TTBK2: variants seen among roughly 807,000 people sequenced by gnomAD.
TTBK2 encodes the protein tau tubulin kinase 2.
In TTBK2, 28 loss-of-function variants were observed where a neutral mutation model predicts 110.8. The observed-to-expected ratio is 0.25, with a 90% CI of 0.19 to 0.35. The LOEUF is 0.35. TTBK2 is among the 10% of genes least tolerant of loss of function. The probability of loss-of-function intolerance (pLI) is 1.00; values close to 1 mark genes in which losing one functional copy is unlikely to be tolerated. For synonymous variants in TTBK2, 532 were observed against 527.3 expected, an observed-to-expected ratio of 1.01 and a Z score of -0.12; for missense variants, 1,369 against 1,500.3, an observed-to-expected ratio of 0.91 and a Z score of 1.45.
At position 42,810,598 on chromosome 15, in the gene TTBK2, T is replaced by G; in HGVS notation, c.822+16A>C. 1 of 1,613,258 alleles carries G rather than the reference T, an allele frequency of 6.2e-7. No individual in the cohort carries two copies. The highest frequency in any genetic ancestry group is 8.5e-7 in the Non-Finnish European group (1 of 1,179,610). Reference sequence around the variant, plus strand: ...AGAGAAAATAACTAACCCACAGAACTCACAAAGATGGTTACCTGGTAGTCT... The same window carrying G: ...AGAGAAAATAACTAACCCACAGAACGCACAAAGATGGTTACCTGGTAGTCT... On this transcript the variant is annotated intron_variant, in intron 9 of 14. Coordinates refer to ENST00000267890, the MANE Select transcript of TTBK2 (RefSeq NM_173500.4).
chr15:42,915,246 C>T (rs145057608), intron 1 of TTBK2, among the ~76,000 whole-genome samples: 379 of 152,320 alleles, frequency 2.5e-3, no homozygotes, highest in South Asian at 0.016. Context: ...GCACCTAGGA[C>T]GTGAACCATC....
chr15:42,862,024 A>C (rs1490204992), intron 3 of TTBK2, among the ~76,000 whole-genome samples: 2 of 152,182 alleles, frequency 1.3e-5, no homozygotes, highest in Non-Finnish European at 2.9e-5. Flanking sequence ...CAAACTCCTA[A>C]TATTAAACCA....
chr15:42,827,175 G>A (rs571665847), intron 6 of TTBK2, among the ~76,000 whole-genome samples: 3 of 152,216 alleles, frequency 2.0e-5, no homozygotes, highest in Admixed American at 1.3e-4. Flanking sequence ...ACCCAAAGAC[G>A]CACCACCCTG....
At chr15:42,861,389 A>C (rs1264915497) in intron 3 of TTBK2, among the ~76,000 whole-genome samples, 2 of 152,200 alleles carry the variant, frequency 1.3e-5, no homozygotes, top group Non-Finnish European at 2.9e-5. Flanking sequence ...AAAAAATCAA[A>C]ACCTAGCACT....
At chr15:42,768,437 G>A (rs1232903079) in intron 13 of TTBK2, among the ~76,000 whole-genome samples, 1 of 152,154 alleles carries the variant, frequency 6.6e-6, no homozygotes, top group South Asian at 2.1e-4. Context: ...AAATCAATGT[G>A]CAAAAATCAC....
chr15:42,919,911 T>C, intron 1 of TTBK2: 1 of 671,590 alleles, frequency 1.5e-6, no homozygotes, highest in Non-Finnish European at 1.8e-6. Flanking sequence ...ACATCATCTC[T>C]GCCACAGCAA....
intron 3 of TTBK2, among the ~76,000 whole-genome samples, chr15:42,870,342 C>G (rs1045676342): frequency 6.6e-6 from 1 of 151,990 alleles, no homozygotes; most frequent in Non-Finnish European, 1.5e-5. Context: ...AAGGGCTTCA[C>G]ACTTTAGGGT....
chr15:42,749,529 A>C (rs2061837814), intron 14 of TTBK2, among the ~76,000 whole-genome samples: 1 of 152,212 alleles, frequency 6.6e-6, no homozygotes, highest in African/African-American at 2.4e-5. Flanking sequence ...TACAAGAACC[A>C]GGTGGGCAAA....
At chr15:42,865,646 G>T (rs1048670277) in intron 3 of TTBK2, among the ~76,000 whole-genome samples, 5 of 151,462 alleles carry the variant, frequency 3.3e-5, no homozygotes, top group Non-Finnish European at 7.4e-5. Flanking sequence ...AACATAGCGA[G>T]ACTCTGTATC....
intron 13 of TTBK2, among the ~76,000 whole-genome samples, chr15:42,755,696 T>C (rs72713764): frequency 0.012 from 1,758 of 152,356 alleles, 17 homozygotes; most frequent in Non-Finnish European, 0.018. Flanking sequence ...AGTTATCTCA[T>C]ATTTCTGTTT....
intron 3 of TTBK2, among the ~76,000 whole-genome samples, chr15:42,856,828 G>A (rs1893963898): frequency 6.6e-6 from 1 of 152,202 alleles, no homozygotes. Context: ...TTGGGAGACT[G>A]AGGCGGGGGA....
At chr15:42,790,423 T>A (rs1019111518) in intron 10 of TTBK2, among the ~76,000 whole-genome samples, 4 of 151,542 alleles carry the variant, frequency 2.6e-5, no homozygotes, top group South Asian at 2.1e-4. Context: ...TAGCTGGGAC[T>A]ATAGGTGCAC....
chr15:42,795,257 A>ATT (rs60181944), intron 9 of TTBK2, among the ~76,000 whole-genome samples: 1 of 139,932 alleles, frequency 7.1e-6, no homozygotes. Flanking sequence ...GCTTTCCTTC[A>ATT]TTTTTTTTTT....
At chr15:42,832,782 G>C (rs568949653) in intron 4 of TTBK2, among the ~76,000 whole-genome samples, 1 of 152,112 alleles carries the variant, frequency 6.6e-6, no homozygotes, top group Non-Finnish European at 1.5e-5. Context: ...TCCACATGTT[G>C]TTACCTGCCC....
intron 9 of TTBK2, among the ~76,000 whole-genome samples, chr15:42,810,202 C>T (rs996399507): frequency 1.1e-4 from 17 of 152,244 alleles, no homozygotes; most frequent in South Asian, 4.1e-4. Context: ...TTTCACTGAC[C>T]GCTGTCCCAT....
intron 3 of TTBK2, among the ~76,000 whole-genome samples, chr15:42,846,558 G>C (rs1893474692): frequency 6.6e-6 from 1 of 152,140 alleles, no homozygotes; most frequent in Non-Finnish European, 1.5e-5. Context: ...CCACTGACAG[G>C]AACAACCAAC....
intron 1 of TTBK2, among the ~76,000 whole-genome samples, chr15:42,893,010 CAAAAAAA>C (rs780103161): frequency 1.7e-5 from 1 of 57,720 alleles, no homozygotes; most frequent in Admixed American, 2.0e-4. Context: ...GACTCTGTCT[CAAAAAAA>C]AAAAAAAAAA....
chr15:42,752,490 C>A lies in TTBK2; in HGVS notation c.2756G>T (p.Cys919Phe), dbSNP rs987302563. Residue 919 changes from cysteine (C) to phenylalanine (F), a missense_variant, in exon 14 of 15, where the codon TGT becomes TTT. Cys to Phe is a radical substitution (Grantham distance 205). Around this residue, in one of 4 missense-constraint regions of TTBK2, gnomAD observed 1,097 missense variants for 1,114.7 expected, o/e 0.98. Coordinates refer to ENST00000267890, the MANE Select transcript of TTBK2 (RefSeq NM_173500.4). The part of the protein sequence containing the change: ...ITPRNGELFH[C>F]VSENEHGAPT... Reference sequence around the variant, plus strand: ...GGCACCATGTTCATTCTCTGAAACACAATGAAATAGTTCTCCATTTCTAGG... The same window carrying A: ...GGCACCATGTTCATTCTCTGAAACAAAATGAAATAGTTCTCCATTTCTAGG... The A allele has an allele frequency of 6.2e-7, 1 of 1,614,200 alleles. No individual in the cohort carries two copies. The highest frequency in any genetic ancestry group is 1.7e-5 in the Admixed American group (1 of 60,018).
intron 14 of TTBK2, among the ~76,000 whole-genome samples, chr15:42,747,253 C>A (rs1337169919): frequency 1.3e-5 from 2 of 152,150 alleles, no homozygotes; most frequent in Non-Finnish European, 2.9e-5. Context: ...CAAGCATGAA[C>A]CGTAGTGCCC....
Sources: gnomAD v4.1 joint callset for allele counts (sites outside exome capture counted in the v4.1 genomes callset) on GRCh38, gnomAD v4.1.1 for gene constraint, gnomAD v4.1.1 regional missense constraint, MANE v1.5 for transcripts, NCBI Gene and HGNC (gene_info 2026-07-23, HGNC 2026-07-21) for gene names.